The following DOCK5 variants were observed in gnomAD, a reference collection of about 807,000 sequenced individuals.
DOCK5 encodes dedicator of cytokinesis protein 5.
Under a neutral mutation model 251.8 loss-of-function variants are expected in DOCK5, and 142 were observed. The ratio of observed to expected loss-of-function variants is 0.56; its 90% CI spans 0.49 to 0.65. The LOEUF (loss-of-function observed/expected upper bound fraction) is 0.65. DOCK5 is among the 30% of genes least tolerant of loss of function. DOCK5 has a pLI of 0.00. For missense variants in DOCK5, 2,111 were observed against 2,312.3 expected, an observed-to-expected ratio of 0.91 and a Z score of 1.79; for synonymous variants, 842 against 835.5, an observed-to-expected ratio of 1.01 and a Z score of -0.13.
chr8:25,196,855 G>A, intron 1 of DOCK5, among the ~76,000 whole-genome samples: 1 of 152,154 alleles, frequency 6.6e-6, no homozygotes, highest in East Asian at 1.9e-4. Context: ...ATGAGTTGTA[G>A]CGGAATTGAA....
At chr8:25,333,873 T>C (rs962657713) in intron 20 of DOCK5, among the ~76,000 whole-genome samples, 8 of 152,170 alleles carry the variant, frequency 5.3e-5, no homozygotes, top group African/African-American at 1.9e-4. Context: ...TTGAGTTGGT[T>C]TCTTCACAGC....
rs1249558005 is a variant in DOCK5 at position 25,321,640 on chromosome 8, TC to T, written c.1615+589del. 2.6e-5 allele frequency among the ~76,000 whole-genome samples: 4 copies of T among 152,004 alleles called. No individual in the cohort carries two copies. In the South Asian group the frequency reaches 6.2e-4, roughly 24 times the overall value. On this transcript the variant is annotated intron_variant, in intron 16 of 51. Transcript: ENST00000276440. The stretch of plus-strand genomic sequence containing the variant: ...CTGCTGATCCAACAGGAGGCGGAGC[TC>T]AGGTGATAATGCGAGCAGTGGGGAG...
intron 44 of DOCK5, 78 bp from the exon 45 acceptor site, chr8:25,395,465 A>G: frequency 6.9e-7 from 1 of 1,459,384 alleles, no homozygotes; most frequent in Non-Finnish European, 9.3e-7. Flanking sequence ...TACCTCTTCA[A>G]GGGAAGAGTT....
At chr8:25,400,064 T>A in intron 46 of DOCK5, 70 bp downstream of exon 46, 1 of 1,279,662 alleles carries the variant, frequency 7.8e-7, no homozygotes, top group Non-Finnish European at 1.1e-6. Flanking sequence ...CTCCAGGGCT[T>A]AAGTCTACAA....
rs1460393665 is a variant in DOCK5 at position 25,210,045 on chromosome 8, T to A, written c.43+25094T>A. ...ATATATATATATATAAATGTGTGTG[T>A]GTGTGTGTGTGTGTGTGTGTGTGTA... On this transcript the variant is annotated intron_variant, in intron 1 of 51. Coordinates refer to ENST00000276440, the MANE Select transcript of DOCK5 (RefSeq NM_024940.8). Among the ~76,000 whole-genome samples the A allele has an allele frequency of 1.9e-4, 4 of 20,650 alleles. 1 individual carries two copies. The highest frequency in any genetic ancestry group is 9.2e-4 in the African/African-American group (4 of 4,348). 13.5% of individuals were successfully genotyped at this position (20,650 alleles called of 152,430 possible).
At chr8:25,379,464 GCAGT>G (rs1348427032) in intron 38 of DOCK5, among the ~76,000 whole-genome samples, 9 of 152,064 alleles carry the variant, frequency 5.9e-5, no homozygotes, top group Admixed American at 1.3e-4. Context: ...GACCCCGCAG[GCAGT>G]CAGACCTTAT....
At chr8:25,402,967 T>G (rs111331558) in intron 47 of DOCK5, among the ~76,000 whole-genome samples, 12 of 152,328 alleles carry the variant, frequency 7.9e-5, no homozygotes, top group African/African-American at 2.9e-4. Context: ...AGAGTTTTTC[T>G]AGGAGCATTT....
intron 48 of DOCK5, 33 bp downstream of exon 48, chr8:25,403,757 T>TG: frequency 6.2e-7 from 1 of 1,609,886 alleles, no homozygotes; most frequent in Non-Finnish European, 8.5e-7. Flanking sequence ...GCAGGAAGGG[T>TG]GGGGTAACGC....
chr8:25,331,956 T>C (rs1289835464), intron 18 of DOCK5, among the ~76,000 whole-genome samples: 5 of 152,138 alleles, frequency 3.3e-5, no homozygotes, highest in Non-Finnish European at 2.9e-5. Flanking sequence ...ATTAGCATGC[T>C]TCTTAGCTTT....
chr8:25,357,748 GTCTT>G (rs777013296), intron 27 of DOCK5, among the ~76,000 whole-genome samples: 3 of 152,120 alleles, frequency 2.0e-5, no homozygotes, highest in Non-Finnish European at 4.4e-5. Context: ...GACATGGACA[GTCTT>G]TCATTGTTCT....
chr8:25,407,477 G>C (rs939035439), intron 48 of DOCK5, among the ~76,000 whole-genome samples: 1 of 152,082 alleles, frequency 6.6e-6, no homozygotes. Context: ...TCGTCCAGTC[G>C]TCTGATGGTC....
At chr8:25,248,893 C>G (rs772001588) in intron 2 of DOCK5, among the ~76,000 whole-genome samples, 1 of 152,168 alleles carries the variant, frequency 6.6e-6, no homozygotes, top group Non-Finnish European at 1.5e-5. Context: ...TATTACAAGG[C>G]AGAGGTGCTG....
In DOCK5 at chr8:25,280,596, A is replaced by G. The variant is rs562676588; in HGVS notation, c.321+1931A>G. ...CTTCTTCATATTGTATTTTCTAAACATAGCAATCTATAACGTTTCCCTCTG... is the reference window on the plus strand; with the variant it reads ...CTTCTTCATATTGTATTTTCTAAACGTAGCAATCTATAACGTTTCCCTCTG... On this transcript the variant is annotated intron_variant, in intron 5 of 51. Transcript: ENST00000276440. 2.6e-5 allele frequency among the ~76,000 whole-genome samples: 4 copies of G among 152,358 alleles called. No homozygotes were observed. The East Asian group carries it at 7.7e-4, about 29-fold the overall frequency.
chr8:25,380,093 C>G (rs11998131), intron 38 of DOCK5, among the ~76,000 whole-genome samples: 1 of 152,022 alleles, frequency 6.6e-6, no homozygotes, highest in African/African-American at 2.4e-5. Flanking sequence ...CTACAGAAGA[C>G]GCCCCTGGCA....
chr8:25,235,745 T>C (rs983985708), intron 1 of DOCK5, among the ~76,000 whole-genome samples: 1 of 152,070 alleles, frequency 6.6e-6, no homozygotes, highest in Non-Finnish European at 1.5e-5. Context: ...ATTTATCTAT[T>C]CCCTTCACAA....
At chr8:25,375,359 C>G (rs1442001394) in intron 37 of DOCK5, 2 of 153,988 alleles carry the variant, frequency 1.3e-5, no homozygotes, top group South Asian at 2.0e-4. Context: ...GATGTGGCCC[C>G]TCTGTTCAGA....
chr8:25,246,094 C>G (rs1563323028), intron 2 of DOCK5, among the ~76,000 whole-genome samples: 1 of 151,958 alleles, frequency 6.6e-6, no homozygotes, highest in South Asian at 2.1e-4. Flanking sequence ...TTTATTAAAC[C>G]TTTATCATTG....
chr8:25,296,496 T>C lies in DOCK5; in HGVS notation c.471-17T>C, dbSNP rs966395206. The C allele has an allele frequency of 3.7e-6, 6 of 1,603,350 alleles. No individual in the cohort carries two copies. Among genetic ancestry groups the C allele is most frequent in the Non-Finnish European group, 5.1e-6 (6 of 1,174,874 alleles). On this transcript the variant is annotated splice_polypyrimidine_tract_variant and intron_variant, in intron 6 of 51. Coordinates refer to ENST00000276440, the MANE Select transcript of DOCK5 (RefSeq NM_024940.8). ...CCCCTGGTGAGGAGAACCAGCTGAC[T>C]ACTCCTTTCTCTCCAGAATGCTGGG...
At chr8:25,374,003 G>A (rs574676460) in intron 36 of DOCK5, among the ~76,000 whole-genome samples, 5 of 152,304 alleles carry the variant, frequency 3.3e-5, no homozygotes, top group Non-Finnish European at 5.9e-5. Context: ...AAACTTGTAC[G>A]TAACCAACGT....
Sources: gnomAD v4.1 joint callset for allele counts (sites outside exome capture counted in the v4.1 genomes callset) on GRCh38, gnomAD v4.1.1 for gene constraint, MANE v1.5 for transcripts, NCBI Gene and HGNC (gene_info 2026-07-23, HGNC 2026-07-21) for gene names.